ABCB11: variants seen among roughly 807,000 people sequenced by gnomAD.
The protein encoded by ABCB11 is bile salt export pump.
A neutral mutation model predicts 148.0 loss-of-function variants in ABCB11; 95 were observed. The observed-to-expected ratio is 0.64, with a 90% CI of 0.54 to 0.76. The LOEUF (loss-of-function observed/expected upper bound fraction) is 0.76. Among genes scored for constraint, ABCB11 ranks in the 30% least tolerant of loss-of-function variants. ABCB11 has a pLI of 0.00. For missense variants in ABCB11, 1,523 were observed against 1,617.8 expected, an observed-to-expected ratio of 0.94 and a Z score of 1.01; for synonymous variants, 591 against 555.4, an observed-to-expected ratio of 1.06 and a Z score of -0.90.
intron 7 of ABCB11, among the ~76,000 whole-genome samples, chr2:168,994,350 T>C (rs930582038): frequency 6.6e-6 from 1 of 152,232 alleles, no homozygotes; most frequent in Non-Finnish European, 1.5e-5. Flanking sequence ...TGCATTTGTA[T>C]GTGTGTGGAA....
At chr2:168,992,485 T>C (rs114009750) in intron 8 of ABCB11, among the ~76,000 whole-genome samples, 2,264 of 152,200 alleles carry the variant, frequency 0.015, 53 homozygotes, top group African/African-American at 0.052. Flanking sequence ...TGGAGTATAG[T>C]TGGAAAGTGG....
In ABCB11 at chr2:168,979,896, T is replaced by C. The variant is rs1292391025; in HGVS notation, c.1167A>G (p.Ala389=). The change falls in exon 11 of 28, where the codon GCA becomes GCG. Residue 389 remains alanine (A), a synonymous_variant. Coordinates refer to ENST00000650372, the MANE Select transcript of ABCB11 (RefSeq NM_003742.4). The part of the protein sequence containing the change: ...CLEAFATGRA[A]ATSIFETIDR... ...CTATTGTCTCAAAAATGCTGGTGGC[T>C]GCTGCACGTCCAGTTGCAAAGGCTT... 1 of 1,610,876 alleles carries C rather than the reference T, an allele frequency of 6.2e-7. No individual in the cohort carries two copies. Among genetic ancestry groups the C allele is most frequent in the Non-Finnish European group, 8.5e-7 (1 of 1,177,830 alleles).
downstream of ABCB11, among the ~76,000 whole-genome samples, chr2:168,916,070 G>A (rs555479127): frequency 1.3e-5 from 2 of 152,302 alleles, no homozygotes; most frequent in African/African-American, 4.8e-5. Context: ...ATATTTCAAT[G>A]ATTAAATTTT....
At chr2:169,025,448 T>C (rs1695668175) in intron 1 of ABCB11, among the ~76,000 whole-genome samples, 1 of 152,162 alleles carries the variant, frequency 6.6e-6, no homozygotes, top group Non-Finnish European at 1.5e-5. Flanking sequence ...AAAAGGGAGA[T>C]AGCAGCTGAA....
At chr2:168,957,382 T>G (rs562130247) in intron 19 of ABCB11, among the ~76,000 whole-genome samples, 2 of 151,878 alleles carry the variant, frequency 1.3e-5, no homozygotes, top group East Asian at 3.9e-4. Flanking sequence ...ATAGTTATTA[T>G]GATGATTACA....
chr2:169,029,659 C>T (rs913108928), intron 1 of ABCB11, among the ~76,000 whole-genome samples: 10 of 147,744 alleles, frequency 6.8e-5, no homozygotes, highest in African/African-American at 2.3e-4. Flanking sequence ...AGGAAGAAAA[C>T]AGAATGTAAC....
intron 19 of ABCB11, among the ~76,000 whole-genome samples, chr2:168,952,079 T>A (rs1458805123): frequency 6.6e-6 from 1 of 151,814 alleles, no homozygotes; most frequent in Non-Finnish European, 1.5e-5. Flanking sequence ...ATGCCTTGTA[T>A]AAATCCCACC....
At position 168,976,583 on chromosome 2, in the gene ABCB11, C is replaced by T; in HGVS notation, c.1302G>A (p.Glu434=). 3 of 1,579,712 alleles carry T rather than the reference C, an allele frequency of 1.9e-6. No individual in the cohort carries two copies. Among genetic ancestry groups the T allele is most frequent in the Non-Finnish European group, 2.6e-6 (3 of 1,152,646 alleles). Residue 434 remains glutamate (E), a synonymous_variant, in exon 12 of 28, where the codon GAG becomes GAA. Transcript: ENST00000650372. ...NVTFHYPSRP[E]VKILNDLNMV... is the part of the protein sequence containing the mutation. ...GGAACAGACCAGCACTCACCTTCAC[C>T]TCTGGTCTGGAAGGATAATGGAAGG... is the stretch of plus-strand genomic sequence containing the variant.
intron 1 of ABCB11, among the ~76,000 whole-genome samples, chr2:169,026,359 C>T (rs978481543): frequency 3.3e-5 from 5 of 152,158 alleles, no homozygotes; most frequent in African/African-American, 1.2e-4. Context: ...CTCTCTAGGG[C>T]TAAAGGCATG....
chr2:168,949,607 T>G (rs75111806), intron 19 of ABCB11, among the ~76,000 whole-genome samples: 4,078 of 151,746 alleles, frequency 0.027, 189 homozygotes, highest in African/African-American at 0.093. Flanking sequence ...TGATAAAAAT[T>G]TAGATTGATT....
chr2:168,927,870 A>C (rs1691385666), intron 25 of ABCB11, among the ~76,000 whole-genome samples: 4 of 152,194 alleles, frequency 2.6e-5, no homozygotes, highest in Admixed American at 2.6e-4. Flanking sequence ...GTCAATCAAC[A>C]AACATATATT....
chr2:168,946,202 T>C (rs1292105435), intron 19 of ABCB11, among the ~76,000 whole-genome samples: 1 of 151,866 alleles, frequency 6.6e-6, no homozygotes, highest in African/African-American at 2.4e-5. Context: ...AGCTATACAA[T>C]ACATCTTTAT....
downstream of ABCB11, among the ~76,000 whole-genome samples, chr2:168,916,866 A>C (rs921778268): frequency 6.6e-6 from 1 of 152,222 alleles, no homozygotes; most frequent in Non-Finnish European, 1.5e-5. Context: ...TGCATAAGAA[A>C]TATTTAATAA....
At chr2:168,933,321 CAG>C (rs1691668664) in intron 23 of ABCB11, among the ~76,000 whole-genome samples, 1 of 152,154 alleles carries the variant, frequency 6.6e-6, no homozygotes, top group Non-Finnish European at 1.5e-5. Flanking sequence ...ATTTATGCTT[CAG>C]AGAGCAAGAC....
At chr2:169,004,834 T>C (rs1052827964) in intron 5 of ABCB11, among the ~76,000 whole-genome samples, 2 of 152,162 alleles carry the variant, frequency 1.3e-5, no homozygotes, top group African/African-American at 4.8e-5. Flanking sequence ...TTTTGTCTCA[T>C]GGTGTGCTTC....
At chr2:168,937,215 T>C (rs1691872859) in intron 21 of ABCB11, among the ~76,000 whole-genome samples, 1 of 152,220 alleles carries the variant, frequency 6.6e-6, no homozygotes, top group Non-Finnish European at 1.5e-5. Context: ...GAATATTCCA[T>C]TGTATGTGTA....
At chr2:168,971,370 T>G (rs1334962831) in intron 14 of ABCB11, among the ~76,000 whole-genome samples, 1 of 152,116 alleles carries the variant, frequency 6.6e-6, no homozygotes, top group Non-Finnish European at 1.5e-5. Flanking sequence ...GAGGAGTTGG[T>G]TTTTGTAGTT....
chr2:169,016,680 G>A (rs1695366693), intron 3 of ABCB11, 98 bp downstream of exon 3: 9 of 890,934 alleles, frequency 1.0e-5, no homozygotes, highest in South Asian at 9.3e-5. Flanking sequence ...TATATGAAGT[G>A]CAATGTGCAT....
chr2:169,013,689 A>T (rs1274583286), intron 4 of ABCB11, among the ~76,000 whole-genome samples, 179 bp from the exon 5 acceptor site: 1 of 152,170 alleles, frequency 6.6e-6, no homozygotes, highest in Non-Finnish European at 1.5e-5. Flanking sequence ...GGCACGGTAC[A>T]TCAATTATCT....
Sources: allele counts gnomAD v4.1 joint callset (sites outside exome capture counted in the v4.1 genomes callset), GRCh38; gene constraint gnomAD v4.1.1; transcripts MANE v1.5; gene names NCBI Gene and HGNC (gene_info 2026-07-23, HGNC 2026-07-21).